KCNAB2: variants seen among roughly 807,000 people sequenced by gnomAD.
The protein encoded by KCNAB2 is potassium voltage-gated channel subfamily A regulatory beta subunit 2.
Under a neutral mutation model 63.6 loss-of-function variants are expected in KCNAB2, and 29 were observed. The observed-to-expected ratio is 0.46, with a 90% CI of 0.34 to 0.62. The LOEUF is 0.62. Among genes scored for constraint, KCNAB2 ranks in the 20% least tolerant of loss-of-function variants. The pLI is 0.01. For synonymous variants in KCNAB2, 222 were observed against 224.2 expected (o/e 0.99, Z 0.09); for missense variants, 359 against 563.9 (o/e 0.64, Z 3.68).
Position 6,097,435 on chromosome 1 carries a change from C to T in KCNAB2, c.1158+78C>T, listed in dbSNP as rs1665742451. The T allele has an allele frequency of 5.2e-6, 8 of 1,545,110 alleles. No homozygotes were observed. In the East Asian group the frequency reaches 2.0e-4, roughly 38 times the overall value. ...TCCAGTGCATCCTCCCAGGCTCGTC[C>T]TGCGTGCCAGGCTCTGTTCTAGGCA... On this transcript the variant is annotated intron_variant, in intron 15 of 15. Transcript: ENST00000378083.
exon 2 of KCNAB2, chr1:6,040,597 C>T (rs763416022): frequency 3.1e-6 from 5 of 1,614,200 alleles, no homozygotes; most frequent in East Asian, 2.2e-5. Context: ...ACGGGCTCCC[C>T]GGCTCGGCTC....
intron 1 of KCNAB2, among the ~76,000 whole-genome samples, chr1:6,040,182 G>A (rs1660379571): frequency 6.6e-6 from 1 of 152,220 alleles, no homozygotes; most frequent in East Asian, 1.9e-4. Flanking sequence ...GCACCATGTG[G>A]GCAGCAGAAA....
chr1:6,065,713 G>A (rs1662686874), intron 2 of KCNAB2, among the ~76,000 whole-genome samples: 2 of 152,176 alleles, frequency 1.3e-5, no homozygotes, highest in African/African-American at 4.8e-5. Context: ...GAGACTGTTG[G>A]GCTGAGGACT....
intron 7 of KCNAB2, among the ~76,000 whole-genome samples, chr1:6,088,188 A>G (rs1263838164): frequency 6.7e-6 from 1 of 149,714 alleles, no homozygotes; most frequent in African/African-American, 2.5e-5. Flanking sequence ...GCCTACAGGG[A>G]TGAGCCACCA....
At position 6,003,793 on chromosome 1, in the gene KCNAB2, A is replaced by C. The variant is rs920944127; in HGVS notation, c.-53+11005A>C. 1.3e-5 allele frequency among the ~76,000 whole-genome samples: 2 copies of C among 152,206 alleles called. No homozygotes were observed. Among genetic ancestry groups the C allele is most frequent in the Admixed American group, 6.5e-5 (1 of 15,276 alleles). ...TCGCCAGCAATGAGTATTTTCATTT[A>C]AAAATGTTTTTGTCTGCTGGCTATG... is the stretch of plus-strand genomic sequence containing the variant. On this transcript the variant is annotated intron_variant, in intron 1 of 16. Coordinates refer to the KCNAB2 transcript ENST00000341524. The surrounding 1 kb of genome is among the most constrained non-coding windows in gnomAD (Gnocchi z 4.1).
rs149527754 is a variant in KCNAB2 at position 6,003,853 on chromosome 1, C to A, written c.-53+11065C>A. 2.4e-3 allele frequency among the ~76,000 whole-genome samples: 370 copies of A among 152,306 alleles called. 2 individuals are homozygous for A. The highest frequency in any genetic ancestry group is 3.4e-3 in the Non-Finnish European group (233 of 68,028). On this transcript the variant is annotated intron_variant, in intron 1 of 16. Coordinates refer to the KCNAB2 transcript ENST00000341524. The surrounding 1 kb of genome is among the most constrained non-coding windows in gnomAD (Gnocchi z 4.1). ...AGGCATGGCTGGCCCCAGCTTGCAG[C>A]GGTCGCTTCTGCATCTCTTTTTATT...
At chr1:6,037,193 G>A (rs1295090) in intron 1 of KCNAB2, among the ~76,000 whole-genome samples, 146,839 of 152,288 alleles carry the variant, frequency 0.96, 70,809 homozygotes, top group East Asian at 1. Context: ...TGTTCATGGA[G>A]CCAGTGACTC....
intron 4 of KCNAB2, among the ~76,000 whole-genome samples, chr1:6,080,964 C>T (rs1049808275): frequency 6.6e-6 from 1 of 152,172 alleles, no homozygotes; most frequent in Non-Finnish European, 1.5e-5. Context: ...GTGCTCTGAG[C>T]CGCACCTGGG....
At chr1:6,055,220 A>G (rs962289187) in intron 2 of KCNAB2, among the ~76,000 whole-genome samples, 2 of 152,170 alleles carry the variant, frequency 1.3e-5, no homozygotes, top group Non-Finnish European at 2.9e-5. Context: ...TGGAGAGAAC[A>G]TATCTTTTAT....
intron 5 of KCNAB2, among the ~76,000 whole-genome samples, chr1:6,082,902 G>A (rs1392782344): frequency 2.0e-5 from 3 of 152,230 alleles, no homozygotes; most frequent in Non-Finnish European, 4.4e-5. Context: ...GTTCCCGTCA[G>A]CCGGGCAGGC....
upstream of KCNAB2, among the ~76,000 whole-genome samples, chr1:6,033,987 C>A (rs765701931): frequency 6.6e-6 from 1 of 151,898 alleles, no homozygotes; most frequent in Admixed American, 6.6e-5. Flanking sequence ...GGGCCCTGCA[C>A]CCCGTCAGCT....
intron 8 of KCNAB2, 118 bp from the exon 9 acceptor site, chr1:6,090,271 T>C (rs1233870007): frequency 3.0e-6 from 2 of 661,216 alleles, no homozygotes; most frequent in Non-Finnish European, 5.1e-6. Context: ...TCTGGAAGCT[T>C]CCAGATGCCA....
chr1:6,077,818 T>G (rs1052111028), intron 4 of KCNAB2, among the ~76,000 whole-genome samples: 1 of 152,164 alleles, frequency 6.6e-6, no homozygotes, highest in Non-Finnish European at 1.5e-5. Flanking sequence ...TCACTGTCTT[T>G]CTAGAGAGGG....
At position 6,098,697 on chromosome 1, in the gene KCNAB2, A is replaced by G; in HGVS notation, c.*123A>G. 2 of 1,207,076 alleles carry G rather than the reference A, an allele frequency of 1.7e-6. No homozygotes were observed. Among genetic ancestry groups the G allele is most frequent in the Non-Finnish European group, 2.3e-6 (2 of 866,570 alleles). The allele number at this position is 1,207,076 out of a possible 1,614,324, so 74.8% of individuals were successfully genotyped here. ...ATCCAAGAGAAAACACCACACTGTGATGTCATCGGGAAATGATCTCCCAAG... is the reference window on the plus strand; with the variant it reads ...ATCCAAGAGAAAACACCACACTGTGGTGTCATCGGGAAATGATCTCCCAAG... On this transcript the variant is annotated 3_prime_UTR_variant, in exon 16 of 16. Coordinates refer to ENST00000378083, the MANE Select transcript of KCNAB2 (RefSeq NM_001199862.2).
Position 6,094,434 on chromosome 1 carries a change from G to T in KCNAB2, c.681G>T (p.Gln227His). The change falls in exon 11 of 16, where the codon CAG becomes CAT. Residue 227 changes from glutamine to histidine, a missense_variant. This residue lies in a region of KCNAB2 where 271 missense variants were observed against 476.1 expected (regional missense o/e 0.57). Coordinates refer to ENST00000378083, the MANE Select transcript of KCNAB2 (RefSeq NM_001199862.2). ...TVRAMTHVIN[Q>H]GMAMYWGTSR... ...GCGCCATGACCCACGTCATCAACCA[G>T]GGGATGGCCATGTACTGGGGCACGT... The T allele has an allele frequency of 6.2e-7, 1 of 1,612,146 alleles. No individual in the cohort carries two copies. The highest frequency in any genetic ancestry group is 8.5e-7 in the Non-Finnish European group (1 of 1,179,618).
intron 1 of KCNAB2, among the ~76,000 whole-genome samples, chr1:6,001,018 C>T (rs1228343949): frequency 6.6e-6 from 1 of 152,148 alleles, no homozygotes; most frequent in African/African-American, 2.4e-5. Context: ...ATGGCTGTGG[C>T]CTCACAGGCA....
intron 2 of KCNAB2, among the ~76,000 whole-genome samples, chr1:6,056,067 CAG>C (rs766241846): frequency 1.3e-5 from 2 of 151,904 alleles, no homozygotes; most frequent in African/African-American, 2.4e-5. Context: ...TTTTTTGAGA[CAG>C]AGTCTCACTC....
intron 2 of KCNAB2, among the ~76,000 whole-genome samples, chr1:6,059,003 G>A (rs1284682737): frequency 6.6e-6 from 1 of 152,138 alleles, no homozygotes; most frequent in African/African-American, 2.4e-5. Flanking sequence ...TCCAGCCCCA[G>A]CTTCCCTAAA....
At position 6,014,443 on chromosome 1, in the gene KCNAB2, G is replaced by A. The variant is rs573658603; in HGVS notation, c.-53+21655G>A. On this transcript the variant is annotated intron_variant, in intron 1 of 16. Coordinates refer to the KCNAB2 transcript ENST00000341524. ...CACAAGTGAGGTTTAAAAATACTAC[G>A]CTTATTTCATTTCAGTGCAGGAGGG... Among the ~76,000 whole-genome samples the A allele has an allele frequency of 4.6e-5, 7 of 152,352 alleles. No homozygotes were observed. The East Asian group carries it at 7.7e-4, about 17-fold the overall frequency.
Sources: gnomAD v4.1 joint callset for allele counts (sites outside exome capture counted in the v4.1 genomes callset) on GRCh38, gnomAD v4.1.1 for gene constraint, gnomAD v4.1.1 regional missense constraint, Gnocchi (gnomAD v3.1) non-coding constraint, MANE v1.5 for transcripts, NCBI Gene and HGNC (gene_info 2026-07-23, HGNC 2026-07-21) for gene names.